CHERP: variants seen among roughly 807,000 people sequenced by gnomAD.
CHERP encodes the protein calcium homeostasis endoplasmic reticulum protein, also known as ERPROT 213-21.
Under a neutral mutation model 113.8 loss-of-function variants are expected in CHERP, and 8 were observed. That is an observed-to-expected ratio of 0.07 (90% CI 0.04 to 0.13). The LOEUF is 0.13. Ranked by LOEUF, CHERP falls within the 10% of genes least tolerant of loss-of-function variation. The pLI is 1.00. For synonymous variants in CHERP, 559 were observed against 524.5 expected (o/e 1.07, Z -0.90); for missense variants, 884 against 1,298.2 (o/e 0.68, Z 4.90).
chr19:16,541,788 AAG>A (rs2085781806), intron 2 of CHERP, 80 bp downstream of exon 2: 1 of 1,410,698 alleles, frequency 7.1e-7, no homozygotes. Flanking sequence ...ACCCGAAAGA[AAG>A]AGGTTTGTGG....
At chr19:16,521,079 T>C (rs2085610253) in intron 12 of CHERP, 167 bp from the exon 13 acceptor site, 2 of 651,070 alleles carry the variant, frequency 3.1e-6, no homozygotes, top group East Asian at 5.5e-5. Flanking sequence ...CCCACAGGGC[T>C]GTCCTCCTGC....
In CHERP at chr19:16,520,459, G is replaced by A; in HGVS notation, c.2250C>T (p.Ser750=). 6.2e-7 allele frequency: 1 copy of A among 1,614,116 alleles called. No homozygotes were observed. The highest frequency in any genetic ancestry group is 1.6e-4 in the Middle Eastern group (1 of 6,062). ...RSRSKSRGRS[S]SRSNSRSSKS... Reference sequence around the variant, plus strand: ...TGGAGGATCTTGAGTTGGAGCGGGAGGAAGAACGCCCTCGACTCTTGGATC... The same window carrying A: ...TGGAGGATCTTGAGTTGGAGCGGGAAGAAGAACGCCCTCGACTCTTGGATC... Residue 750 remains serine, a synonymous_variant, in exon 14 of 17, where the codon TCC becomes TCT. Transcript: ENST00000546361. The surrounding 1 kb of genome is among the most constrained non-coding windows in gnomAD (Gnocchi z 4.0).
chr19:16,535,728 T>TC lies in CHERP; in HGVS notation c.200-93dup, dbSNP rs1297011242. ...CCTCTCAGCCACAGGGGCCTCCCCC[T>TC]CCCCAGGGACTCACCATCCACGAGG... On this transcript the variant is annotated intron_variant, in intron 2 of 16. Coordinates refer to ENST00000546361, the MANE Select transcript of CHERP (RefSeq NM_006387.6). This position sits in a 1 kb window ranked among gnomAD's most constrained non-coding sequence, Gnocchi z 4.3. 1.6e-6 allele frequency: 2 copies of TC among 1,246,768 alleles called. No individual in the cohort carries two copies. The highest frequency in any genetic ancestry group is 1.6e-5 in the South Asian group (1 of 64,374). The allele number at this position is 1,246,768 out of a possible 1,614,324, so 77.2% of individuals were successfully genotyped here.
chr19:16,541,556 T>G (rs962449310), intron 2 of CHERP: 14 of 277,270 alleles, frequency 5.0e-5, no homozygotes, highest in Non-Finnish European at 8.8e-5. Context: ...CCTCTATCAC[T>G]TCCTCCCTAG....
Position 16,519,510 on chromosome 19 carries a change from G to T in CHERP, c.2557+111C>A. ...AGAGGGTCTGGGTGGAGTCAGAACC[G>T]GCCTGACTCCATCCATCCCCACATG... On this transcript the variant is annotated intron_variant, in intron 16 of 16. Transcript: ENST00000546361. The surrounding 1 kb of genome is among the most constrained non-coding windows in gnomAD (Gnocchi z 6.0). 2 of 1,270,054 alleles carry T rather than the reference G, an allele frequency of 1.6e-6. No homozygotes were observed. The highest frequency in any genetic ancestry group is 1.2e-5 in the South Asian group (1 of 80,148). The allele number at this position is 1,270,054 out of a possible 1,614,324, so 78.7% of individuals were successfully genotyped here.
chr19:16,519,568 G>C lies in CHERP; in HGVS notation c.2557+53C>G. 1 of 1,501,330 alleles carries C rather than the reference G, an allele frequency of 6.7e-7. No individual in the cohort carries two copies. Among genetic ancestry groups the C allele is most frequent in the South Asian group, 1.1e-5 (1 of 88,702 alleles). 93.0% of individuals were successfully genotyped at this position (1,501,330 alleles called of 1,614,324 possible). On this transcript the variant is annotated intron_variant, in intron 16 of 16. Coordinates refer to ENST00000546361, the MANE Select transcript of CHERP (RefSeq NM_006387.6). This position sits in a 1 kb window ranked among gnomAD's most constrained non-coding sequence, Gnocchi z 6.0. ...GAAGAGAAAGCGCTGGTGACTCCCG[G>C]GCCCAGCACGCGTGAGGACCCATCC...
chr19:16,532,958 C>T lies in CHERP; in HGVS notation c.522+53G>A, dbSNP rs574958085. ...CCCAGATTGGCTACGACAGGCCCTGCCTCAGGGAGGGACCAAGGGAAAGCT... is the reference window on the plus strand; with the variant it reads ...CCCAGATTGGCTACGACAGGCCCTGTCTCAGGGAGGGACCAAGGGAAAGCT... On this transcript the variant is annotated intron_variant, in intron 4 of 16. Coordinates refer to ENST00000546361, the MANE Select transcript of CHERP (RefSeq NM_006387.6). The surrounding 1 kb of genome is among the most constrained non-coding windows in gnomAD (Gnocchi z 4.4). 150 of 1,551,634 alleles carry T rather than the reference C, an allele frequency of 9.7e-5. No homozygotes were observed. The African/African-American group carries it at 1.6e-3, about 16-fold the overall frequency.
At chr19:16,542,203 C>T (rs1022774080) in intron 1 of CHERP, 151 bp downstream of exon 1, 8 of 1,065,402 alleles carry the variant, frequency 7.5e-6, no homozygotes, top group Non-Finnish European at 1.3e-6. Context: ...ACACGCTCGC[C>T]GGGAATGCGG....
chr19:16,525,340 G>C lies in CHERP; in HGVS notation c.1643C>G (p.Pro548Arg). ...GAAGTCGTCCTGCATGAAGCGGGGC[G>C]GGAAGCGGTTGAAGTTGTGGGGGTG... ...PPHPHNFNRF[P>R]PRFMQDDFPP... Residue 548 changes from proline to arginine, a missense_variant, in exon 10 of 17, where the codon CCG (proline) becomes CGG (arginine). By Grantham distance (103) the Pro-to-Arg change is moderately radical. Around this residue, in one of 8 missense-constraint regions of CHERP, gnomAD observed 464 missense variants for 590.1 expected, o/e 0.79. Transcript: ENST00000546361. This position sits in a 1 kb window ranked among gnomAD's most constrained non-coding sequence, Gnocchi z 6.5. The C allele has an allele frequency of 6.8e-7, 1 of 1,479,556 alleles. No individual in the cohort carries two copies. The highest frequency in any genetic ancestry group is 1.4e-5 in the African/African-American group (1 of 70,208). 91.7% of individuals were successfully genotyped at this position (1,479,556 alleles called of 1,614,324 possible).
Position 16,532,747 on chromosome 19 carries a change from G to A in CHERP, c.525C>T (p.Ala175=), listed in dbSNP as rs979592645. The part of the protein sequence containing the change: ...IDTCTKDAIS[A]GKNWMFSNAK... Reference sequence around the variant, plus strand: ...CATTGCTGAACATCCAGTTCTTCCCGGCCTGCAACAACCGAGCCAATGACG... The same window carrying A: ...CATTGCTGAACATCCAGTTCTTCCCAGCCTGCAACAACCGAGCCAATGACG... The change falls in exon 5 of 17, where the codon GCC becomes GCT. Residue 175 remains alanine (A), a splice_region_variant and synonymous_variant. Coordinates refer to ENST00000546361, the MANE Select transcript of CHERP (RefSeq NM_006387.6). This position sits in a 1 kb window ranked among gnomAD's most constrained non-coding sequence, Gnocchi z 4.4. The A allele has an allele frequency of 5.5e-5, 89 of 1,605,628 alleles. No homozygotes were observed. Among genetic ancestry groups the A allele is most frequent in the Non-Finnish European group, 7.2e-5 (85 of 1,174,304 alleles).
Position 16,523,187 on chromosome 19 carries a change from G to C in CHERP, c.1845C>G (p.Pro615=). ...GGGGCTGCCCGTTGAAGCCATGGGGGGGAGGGCCGAAGTCAGGGTGCTGGG... is the reference window on the plus strand; with the variant it reads ...GGGGCTGCCCGTTGAAGCCATGGGGCGGAGGGCCGAAGTCAGGGTGCTGGG... The part of the protein sequence containing the change: ...AGPQHPDFGP[P]PHGFNGQPPH... The change falls in exon 11 of 17, where the codon CCC becomes CCG. Residue 615 remains proline, a synonymous_variant. Transcript: ENST00000546361. The surrounding 1 kb of genome is among the most constrained non-coding windows in gnomAD (Gnocchi z 4.0). The C allele has an allele frequency of 6.3e-7, 1 of 1,575,758 alleles. No homozygotes were observed. Among genetic ancestry groups the C allele is most frequent in the Non-Finnish European group, 8.6e-7 (1 of 1,164,120 alleles).
At chr19:16,538,645 T>C (rs146724975) in intron 2 of CHERP, among the ~76,000 whole-genome samples, 1,770 of 152,006 alleles carry the variant, frequency 0.012, 35 homozygotes, top group African/African-American at 0.041. Context: ...ATCTTGCCAC[T>C]GTACTCCAGC....
chr19:16,540,229 AATTT>A (rs2085769096), intron 2 of CHERP, among the ~76,000 whole-genome samples: 1 of 150,786 alleles, frequency 6.6e-6, no homozygotes, highest in African/African-American at 2.4e-5. Flanking sequence ...ATGCCTGGCT[AATTT>A]TTTTTGTATT....
At chr19:16,524,875 C>A (rs1027782607) in intron 10 of CHERP, among the ~76,000 whole-genome samples, 1 of 151,866 alleles carries the variant, frequency 6.6e-6, no homozygotes, top group Non-Finnish European at 1.5e-5. Flanking sequence ...CATAGGCGCC[C>A]GACACCACGC....
rs114506829 is a variant in CHERP at position 16,532,798 on chromosome 19, G to A, written c.523-49C>T. ...AGTGAGCAGGGCCGCGGCTCCCCCA[G>A]GCACCCACTGCATCCCTGAGAGCGC... On this transcript the variant is annotated intron_variant, in intron 4 of 16. Transcript: ENST00000546361. This position sits in a 1 kb window ranked among gnomAD's most constrained non-coding sequence, Gnocchi z 4.4. 2.2e-4 allele frequency: 350 copies of A among 1,575,704 alleles called. No homozygotes were observed. In the African/African-American group the frequency reaches 4.3e-3, roughly 19 times the overall value.
chr19:16,525,532 GGCTGGTTGTTCCAGGGCGCGTCGC>G lies in CHERP; in HGVS notation c.1427_1450del (p.Arg476_Gln483del). ...GAACTGGCTGTTCCAGGCGGCGTCG[GGCTGGTTGTTCCAGGGCGCGTCGC>G]GCTGGCCGTTCCAGCCGGGGTCACC... On this transcript the variant is annotated inframe_deletion, in exon 10 of 17. Transcript: ENST00000546361. This position sits in a 1 kb window ranked among gnomAD's most constrained non-coding sequence, Gnocchi z 6.5. 6.5e-7 allele frequency: 1 copy of G among 1,547,714 alleles called. No individual in the cohort carries two copies. The highest frequency in any genetic ancestry group is 8.7e-7 in the Non-Finnish European group (1 of 1,148,946).
rs201891746 is a variant in CHERP, at chr19:16,532,708, C to T, written c.564G>A (p.Pro188=). 3.7e-6 allele frequency: 6 copies of T among 1,613,248 alleles called. No homozygotes were observed. The highest frequency in any genetic ancestry group is 2.7e-5 in the African/African-American group (2 of 75,024). The change falls in exon 5 of 17, where the codon CCG becomes CCA. Residue 188 remains proline, a synonymous_variant. Transcript: ENST00000546361. The surrounding 1 kb of genome is among the most constrained non-coding windows in gnomAD (Gnocchi z 4.4). Reference sequence around the variant, plus strand: ...GGTGGCCGGCCATCAGCTCACAGTGCGGCGGGGACTTGGCATTGCTGAACA... The same window carrying T: ...GGTGGCCGGCCATCAGCTCACAGTGTGGCGGGGACTTGGCATTGCTGAACA... ...NWMFSNAKSP[P]HCELMAGHLR...
rs1432836298 is a variant in CHERP at position 16,530,129 on chromosome 19, A to G, written c.877-229T>C. On this transcript the variant is annotated intron_variant, in intron 7 of 16. Transcript: ENST00000546361. The surrounding 1 kb of genome is among the most constrained non-coding windows in gnomAD (Gnocchi z 4.1). ...CTGCAGCGTGTTTTACGACTCCCTG[A>G]TAACAGAACGAGCAACGACAGCCGT... Among the ~76,000 whole-genome samples the G allele has an allele frequency of 1.3e-5, 2 of 152,204 alleles. No homozygotes were observed. The highest frequency in any genetic ancestry group is 4.8e-5 in the African/African-American group (2 of 41,442).
intron 2 of CHERP, among the ~76,000 whole-genome samples, chr19:16,538,133 C>T (rs1206782888): frequency 6.6e-6 from 1 of 152,098 alleles, no homozygotes; most frequent in Non-Finnish European, 1.5e-5. Flanking sequence ...ACACTCCTCA[C>T]TCCTCTCCAA....
Sources: allele counts gnomAD v4.1 joint callset (sites outside exome capture counted in the v4.1 genomes callset), GRCh38; gene constraint gnomAD v4.1.1; regional missense constraint gnomAD v4.1.1; non-coding constraint Gnocchi (gnomAD v3.1); transcripts MANE v1.5; gene names NCBI Gene and HGNC (gene_info 2026-07-23, HGNC 2026-07-21).